Variants in ABCB6 observed in about 807,000 individuals in gnomAD.
ABCB6 encodes the protein ATP binding cassette subfamily B member 6 (LAN blood group), also known as ATP-binding cassette sub-family B member 6.
ABCB6 carries 87 observed loss-of-function variants against 99.4 expected under a neutral mutation model. The ratio of observed to expected loss-of-function variants is 0.88; its 90% CI spans 0.74 to 1.05. ABCB6 has a LOEUF of 1.05. Ranked by LOEUF, ABCB6 falls within the 50% of genes least tolerant of loss-of-function variation. The pLI, the probability that ABCB6 is intolerant of heterozygous loss-of-function variation, is 0.00. For synonymous variants in ABCB6, 482 were observed against 447.5 expected (o/e 1.08, Z -0.97); for missense variants, 1,050 against 1,097.9 (o/e 0.96, Z 0.62).
At chr2:219,211,206 G>A (rs1232427354) in intron 14 of ABCB6, 98 bp from the exon 15 acceptor site, 3 of 1,330,326 alleles carry the variant, frequency 2.3e-6, no homozygotes, top group Non-Finnish European at 3.2e-6. Flanking sequence ...AGAGGCTGTG[G>A]TAATAATCCC....
At chr2:219,210,662 G>T in intron 16 of ABCB6, 49 bp downstream of exon 16, 2 of 1,611,204 alleles carry the variant, frequency 1.2e-6, no homozygotes, top group Non-Finnish European at 1.7e-6. Flanking sequence ...AGGAGGAACG[G>T]CTTGAGCATA....
Position 219,216,316 on chromosome 2 carries a change from T to C in ABCB6, c.970+48A>G. 6.3e-7 allele frequency: 1 copy of C among 1,594,978 alleles called. No individual in the cohort carries two copies. The highest frequency in any genetic ancestry group is 8.6e-7 in the Non-Finnish European group (1 of 1,163,170). ...GAGAGGCGGATGCTGAGGGAATGCC[T>C]GTGGGAGGGACCTATACCTAGCAGG... On this transcript the variant is annotated intron_variant, in intron 4 of 18. Transcript: ENST00000265316. The surrounding 1 kb of genome is among the most constrained non-coding windows in gnomAD (Gnocchi z 4.2).
At chr2:219,217,915 A>C in intron 1 of ABCB6, 108 bp from the exon 2 acceptor site, 2 of 1,332,502 alleles carry the variant, frequency 1.5e-6, no homozygotes, top group Non-Finnish European at 2.0e-6. Flanking sequence ...CAGCACTTAC[A>C]GGCTTAAAAA....
Position 219,212,417 on chromosome 2 carries a change from G to C in ABCB6, c.1938C>G (p.Cys646Trp). The C allele has an allele frequency of 6.2e-7, 1 of 1,614,194 alleles. No homozygotes were observed. ...LFRFYDISSG[C>W]IRIDGQDISQ... The stretch of plus-strand genomic sequence containing the variant: ...AAATGTCCTGCCCATCTATTCGGAT[G>C]CAGCCAGAGCTGATGTCGTAGAAGC... Residue 646 changes from cysteine (C) to tryptophan (W), a missense_variant, in exon 14 of 19, where the codon TGC becomes TGG. By Grantham distance (215) the Cys-to-Trp change is radical. Coordinates refer to ENST00000265316, the MANE Select transcript of ABCB6 (RefSeq NM_005689.4).
At chr2:219,213,171 G>C in intron 12 of ABCB6, 70 bp downstream of exon 12, 1 of 1,606,358 alleles carries the variant, frequency 6.2e-7, no homozygotes, top group East Asian at 2.2e-5. Flanking sequence ...CAGGGATTCA[G>C]AGCACTGAGA....
chr2:219,217,352 A>C (rs1370523595), intron 2 of ABCB6, among the ~76,000 whole-genome samples: 1 of 151,618 alleles, frequency 6.6e-6, no homozygotes, highest in East Asian at 1.9e-4. Flanking sequence ...TTCCGTCTTA[A>C]AAACAAAAAG....
At position 219,216,676 on chromosome 2, in the gene ABCB6, C is replaced by A; in HGVS notation, c.844G>T (p.Val282Leu). 6.4e-7 allele frequency: 1 copy of A among 1,568,424 alleles called. No homozygotes were observed. The highest frequency in any genetic ancestry group is 8.6e-7 in the Non-Finnish European group (1 of 1,156,622). The change falls in exon 3 of 19, where the codon GTG becomes TTG. Residue 282 changes from valine to leucine, a missense_variant. Physicochemically the swap from Val to Leu is conservative, Grantham distance 32. Coordinates refer to ENST00000265316, the MANE Select transcript of ABCB6 (RefSeq NM_005689.4). The surrounding 1 kb of genome is among the most constrained non-coding windows in gnomAD (Gnocchi z 4.2). ...CCAATGTTCCTATAGAATATAGGCA[C>A]CAACACATTGAGTGCCCGTTCCAAA... ...MGLERALNVL[V>L]PIFYRNIVNL...
At chr2:219,214,542 A>C (rs1158140538) in intron 6 of ABCB6, 44 bp from the exon 7 acceptor site, 39 of 1,395,626 alleles carry the variant, frequency 2.8e-5, no homozygotes, top group Middle Eastern at 1.8e-4. Flanking sequence ...CATCATCCCC[A>C]AAAGCAGAGA....
intron 12 of ABCB6, 54 bp from the exon 13 acceptor site, chr2:219,213,119 A>G (rs2106424501): frequency 2.5e-6 from 4 of 1,607,374 alleles, no homozygotes; most frequent in South Asian, 1.1e-5. Flanking sequence ...CAGAGCTGCT[A>G]GTAGGCCCTG....
At chr2:219,215,304 A>C (rs1207294187) in intron 5 of ABCB6, 1 of 537,968 alleles carries the variant, frequency 1.9e-6, no homozygotes, top group Non-Finnish European at 3.3e-6. Flanking sequence ...GCATGGAAGA[A>C]AAATATATCT....
In ABCB6 at chr2:219,218,725, G is replaced by C. The variant is rs1306001472; in HGVS notation, c.-52C>G. 4 of 1,489,812 alleles carry C rather than the reference G, an allele frequency of 2.7e-6. No individual in the cohort carries two copies. The highest frequency in any genetic ancestry group is 3.6e-6 in the Non-Finnish European group (4 of 1,119,766). The allele number at this position is 1,489,812 out of a possible 1,614,324, so 92.3% of individuals were successfully genotyped here. ...TGCGGGCACTGCGGGACCGGAGGCC[G>C]GGACTGGTCACTCGGAGAGGGGCGC... is the stretch of plus-strand genomic sequence containing the variant. On this transcript the variant is annotated 5_prime_UTR_variant, in exon 1 of 19. Transcript: ENST00000265316.
chr2:219,213,008 C>T lies in ABCB6; in HGVS notation c.1863G>A (p.Leu621=), dbSNP rs1302029922. The change falls in exon 13 of 19, where the codon CTG becomes CTA. Residue 621 remains leucine, a splice_region_variant and synonymous_variant. Transcript: ENST00000265316. ...FTVMPGQTLA[L]VGPSGAGKST... ...GCCAAGTGGCTGGGTCTCCTCTCAC[C>T]AGGGCAAGTGTCTGTCCAGGCATCA... 1.2e-6 allele frequency: 2 copies of T among 1,613,842 alleles called. No individual in the cohort carries two copies. The highest frequency in any genetic ancestry group is 2.7e-5 in the African/African-American group (2 of 74,880).
intron 5 of ABCB6, 31 bp from the exon 6 acceptor site, chr2:219,215,113 G>A (rs778035723): frequency 1.2e-6 from 2 of 1,613,604 alleles, no homozygotes; most frequent in Admixed American, 1.7e-5. Flanking sequence ...AATAAGAAAG[G>A]TCTGGGGGCT....
chr2:219,215,135 ACCCTG>A, intron 5 of ABCB6, 53 bp from the exon 6 acceptor site: 1 of 1,609,086 alleles, frequency 6.2e-7, no homozygotes, highest in Non-Finnish European at 8.5e-7. Context: ...AGACCCAGCA[ACCCTG>A]CCTCTAGGCA....
At position 219,218,256 on chromosome 2, in the gene ABCB6, T is replaced by TGCCCATTGCCAGAC. The variant is rs1272697095; in HGVS notation, c.404_417dup (p.Ile140ValfsTer115). The TGCCCATTGCCAGAC allele has an allele frequency of 1.2e-6, 2 of 1,613,548 alleles. No individual in the cohort carries two copies. The highest frequency in any genetic ancestry group is 4.5e-5 in the East Asian group (2 of 44,880). On this transcript the variant is annotated frameshift_variant, in exon 1 of 19. Coordinates refer to ENST00000265316, the MANE Select transcript of ABCB6 (RefSeq NM_005689.4). LOFTEE classifies it high-confidence loss of function. The stretch of plus-strand genomic sequence containing the variant: ...GGGCTGTGCCTGAACTTGATCCAGA[T>TGCCCATTGCCAGAC]GCCCATTGCCAGACGCTGCCGTGCC...
Position 219,218,252 on chromosome 2 carries a change from C to G in ABCB6, c.422G>C (p.Trp141Ser). 1 of 1,613,622 alleles carries G rather than the reference C, an allele frequency of 6.2e-7. No individual in the cohort carries two copies. The highest frequency in any genetic ancestry group is 8.5e-7 in the Non-Finnish European group (1 of 1,180,040). Residue 141 changes from tryptophan to serine, a missense_variant, in exon 1 of 19, where the codon TGG becomes TCG. By Grantham distance (177) the Trp-to-Ser change is radical. Coordinates refer to ENST00000265316, the MANE Select transcript of ABCB6 (RefSeq NM_005689.4). ...QARQRLAMGI[W>S]IKFRHSPGLL... is the part of the protein sequence containing the mutation. ...ACCAGGGCTGTGCCTGAACTTGATCCAGATGCCCATTGCCAGACGCTGCCG... is the reference window on the plus strand; with the variant it reads ...ACCAGGGCTGTGCCTGAACTTGATCGAGATGCCCATTGCCAGACGCTGCCG...
At chr2:219,213,738 C>T in intron 9 of ABCB6, 72 bp from the exon 10 acceptor site, 1 of 1,613,666 alleles carries the variant, frequency 6.2e-7, no homozygotes, top group East Asian at 2.2e-5. Flanking sequence ...ACCCTGCCCA[C>T]TTCCTACCGA....
At position 219,212,510 on chromosome 2, in the gene ABCB6, G is replaced by GA. The variant is rs760899128; in HGVS notation, c.1864-20dup. On this transcript the variant is annotated intron_variant, in intron 13 of 18. Coordinates refer to ENST00000265316, the MANE Select transcript of ABCB6 (RefSeq NM_005689.4). ...GGCCCACCTGTTGCATTGGAAATGG[G>GA]AAAAATCTCAGGCCCACTGGCTTTT... The GA allele has an allele frequency of 5.0e-6, 8 of 1,605,232 alleles. No homozygotes were observed. In the African/African-American group the frequency reaches 9.4e-5, roughly 19 times the overall value.
In ABCB6 at chr2:219,214,193, A is replaced by C; in HGVS notation, c.1387-7T>G. On this transcript the variant is annotated splice_polypyrimidine_tract_variant and splice_region_variant and intron_variant, in intron 7 of 18. Transcript: ENST00000265316. ...CGGCGTTGTAATACTTCACCTGATGAATTCAAACCAAATTTATTTGGCATG... is the reference window on the plus strand; with the variant it reads ...CGGCGTTGTAATACTTCACCTGATGCATTCAAACCAAATTTATTTGGCATG... 2 of 1,614,078 alleles carry C rather than the reference A, an allele frequency of 1.2e-6. No homozygotes were observed.
Sources: allele counts gnomAD v4.1 joint callset (sites outside exome capture counted in the v4.1 genomes callset), GRCh38; gene constraint gnomAD v4.1.1; non-coding constraint Gnocchi (gnomAD v3.1); transcripts MANE v1.5; gene names NCBI Gene and HGNC (gene_info 2026-07-23, HGNC 2026-07-21).